Variants in SSH2 observed in about 807,000 individuals in gnomAD.
SSH2 encodes slingshot protein phosphatase 2.
A neutral mutation model predicts 135.2 loss-of-function variants in SSH2; 37 were observed. The ratio of observed to expected loss-of-function variants is 0.27; its 90% CI spans 0.21 to 0.36. The LOEUF (loss-of-function observed/expected upper bound fraction) is 0.36, where lower values mean the gene tolerates loss of function less well. Among genes scored for constraint, SSH2 ranks in the 10% least tolerant of loss-of-function variants. The probability of loss-of-function intolerance (pLI) is 1.00; values close to 1 mark genes in which losing one functional copy is unlikely to be tolerated. For missense variants in SSH2, 1,408 were observed against 1,765.3 expected, an observed-to-expected ratio of 0.80 and a Z score of 3.63; for synonymous variants, 628 against 646.2, an observed-to-expected ratio of 0.97 and a Z score of 0.43.
chr17:29,706,521 G>T (rs1301049644), intron 3 of SSH2, among the ~76,000 whole-genome samples: 1 of 152,132 alleles, frequency 6.6e-6, no homozygotes, highest in Non-Finnish European at 1.5e-5. Flanking sequence ...CCTACTGTGG[G>T]TCACTCTGTT....
chr17:29,764,595 A>T (rs994554174), intron 3 of SSH2, among the ~76,000 whole-genome samples: 1 of 152,234 alleles, frequency 6.6e-6, no homozygotes, highest in African/African-American at 2.4e-5. Context: ...CAAATTTTGC[A>T]CAAAGGCCCT....
intron 3 of SSH2, among the ~76,000 whole-genome samples, chr17:29,708,592 A>G (rs77473495): frequency 6.8e-6 from 1 of 147,182 alleles, no homozygotes; most frequent in Non-Finnish European, 1.5e-5. Context: ...TCTGCTTCAA[A>G]AAAAAAAAAA....
At chr17:29,749,195 C>T (rs930042810) in intron 3 of SSH2, among the ~76,000 whole-genome samples, 3 of 152,190 alleles carry the variant, frequency 2.0e-5, no homozygotes, top group African/African-American at 7.2e-5. Flanking sequence ...CTTCTTTTCA[C>T]ACAAGCCCAC....
intron 3 of SSH2, among the ~76,000 whole-genome samples, chr17:29,768,063 T>G (rs2041488129): frequency 6.6e-6 from 1 of 152,154 alleles, no homozygotes. Context: ...GCATTATTAG[T>G]GTCTCCTGCT....
intron 3 of SSH2, chr17:29,761,145 C>G: frequency 7.8e-7 from 1 of 1,289,006 alleles, no homozygotes; most frequent in Non-Finnish European, 1.0e-6. Flanking sequence ...GCGCGGCGGA[C>G]TCACAGCTGG....
intron 1 of SSH2, among the ~76,000 whole-genome samples, chr17:29,883,343 A>C (rs1333917547): frequency 6.6e-6 from 1 of 152,178 alleles, no homozygotes; most frequent in Non-Finnish European, 1.5e-5. Context: ...TTGAGTGCCC[A>C]CTATGTGCTT....
At chr17:29,717,554 T>A (rs1197611856) in intron 3 of SSH2, among the ~76,000 whole-genome samples, 1 of 152,100 alleles carries the variant, frequency 6.6e-6, no homozygotes, top group Admixed American at 6.6e-5. Context: ...ATTTTAGACA[T>A]GAGATGGTGT....
At chr17:29,872,194 G>A (rs1329204735) in intron 1 of SSH2, among the ~76,000 whole-genome samples, 4 of 152,148 alleles carry the variant, frequency 2.6e-5, no homozygotes, top group Non-Finnish European at 1.5e-5. Context: ...TCTAATTCTT[G>A]AAAATGGAGA....
chr17:29,815,587 A>T (rs1427714245), intron 2 of SSH2, among the ~76,000 whole-genome samples: 1 of 152,184 alleles, frequency 6.6e-6, no homozygotes, highest in Non-Finnish European at 1.5e-5. Context: ...TAGATGTCTT[A>T]TGAGGTATTA....
intron 15 of SSH2, among the ~76,000 whole-genome samples, chr17:29,635,330 C>T (rs758448594): frequency 2.0e-5 from 3 of 152,202 alleles, no homozygotes; most frequent in Non-Finnish European, 4.4e-5. Flanking sequence ...TTCTCAGAGA[C>T]ACAGCTCTCA....
At chr17:29,710,327 G>T (rs2039388151) in intron 3 of SSH2, among the ~76,000 whole-genome samples, 1 of 152,166 alleles carries the variant, frequency 6.6e-6, no homozygotes, top group Admixed American at 6.5e-5. Context: ...CTCTGGAGTT[G>T]GTTTGATATT....
intron 1 of SSH2, chr17:29,856,008 C>A: frequency 2.5e-6 from 1 of 392,194 alleles, no homozygotes. Context: ...GGGTGTTACA[C>A]TGGGCTTCCA....
At chr17:29,800,436 T>A (rs897947613) in intron 2 of SSH2, among the ~76,000 whole-genome samples, 1 of 152,196 alleles carries the variant, frequency 6.6e-6, no homozygotes, top group Non-Finnish European at 1.5e-5. Flanking sequence ...CTTACCATTC[T>A]ATTCTAACAA....
At chr17:29,703,247 T>C (rs1343835940) in intron 3 of SSH2, among the ~76,000 whole-genome samples, 185 bp from the exon 4 acceptor site, 1 of 152,144 alleles carries the variant, frequency 6.6e-6, no homozygotes, top group Non-Finnish European at 1.5e-5. Flanking sequence ...CTAGACAAGT[T>C]TGCTTTCTTT....
At chr17:29,868,984 A>G (rs1009297886) in intron 1 of SSH2, among the ~76,000 whole-genome samples, 1 of 152,220 alleles carries the variant, frequency 6.6e-6, no homozygotes, top group Non-Finnish European at 1.5e-5. Context: ...GTAAAGGGAT[A>G]AGAGTAGAAG....
At chr17:29,905,163 C>CA (rs1472379997) in intron 1 of SSH2, among the ~76,000 whole-genome samples, 1 of 151,894 alleles carries the variant, frequency 6.6e-6, no homozygotes, top group Admixed American at 6.6e-5. Flanking sequence ...TATATGGAAC[C>CA]AAAAAAGAGC....
chr17:29,749,212 C>T (rs2040853872), intron 3 of SSH2, among the ~76,000 whole-genome samples: 1 of 152,178 alleles, frequency 6.6e-6, no homozygotes, highest in Admixed American at 6.5e-5. Flanking sequence ...CCACTAGTAT[C>T]GCACTACTTA....
chr17:29,718,240 C>T (rs773206686), intron 3 of SSH2, among the ~76,000 whole-genome samples: 3 of 152,114 alleles, frequency 2.0e-5, no homozygotes, highest in Non-Finnish European at 4.4e-5. Context: ...CATTTGTGGG[C>T]TCCTATTCTT....
intron 3 of SSH2, among the ~76,000 whole-genome samples, chr17:29,792,876 G>A (rs1393839519): frequency 2.0e-5 from 3 of 152,076 alleles, no homozygotes. Flanking sequence ...GGGTTTCACC[G>A]TGTTAGCCAG....
Sources: allele counts gnomAD v4.1 joint callset (sites outside exome capture counted in the v4.1 genomes callset), GRCh38; gene constraint gnomAD v4.1.1; transcripts MANE v1.5; gene names NCBI Gene and HGNC (gene_info 2026-07-23, HGNC 2026-07-21).